SPAG16: variants seen among roughly 807,000 people sequenced by gnomAD.
SPAG16 encodes the protein sperm associated antigen 16.
Under a neutral mutation model 80.4 loss-of-function variants are expected in SPAG16, and 86 were observed. That is an observed-to-expected ratio of 1.07 (90% CI 0.90 to 1.28). The LOEUF is 1.28. Ranked by LOEUF, SPAG16 falls within the 50% of genes most tolerant of loss-of-function variation. The probability of loss-of-function intolerance (pLI) is 0.00; values close to 1 mark genes in which losing one functional copy is unlikely to be tolerated. For missense variants in SPAG16, 870 were observed against 765.3 expected (o/e 1.14, Z -1.61); for synonymous variants, 294 against 265.9 (o/e 1.11, Z -1.03).
At chr2:213,377,216 C>T (rs1457564712) in intron 9 of SPAG16, among the ~76,000 whole-genome samples, 1 of 152,144 alleles carries the variant, frequency 6.6e-6, no homozygotes, top group Non-Finnish European at 1.5e-5. Context: ...GCAATAATTG[C>T]TGTTGGTCTG....
chr2:213,917,200 C>T (rs1024440124), intron 11 of SPAG16, among the ~76,000 whole-genome samples: 1 of 152,102 alleles, frequency 6.6e-6, no homozygotes, highest in African/African-American at 2.4e-5. Context: ...ACAGTTTAGT[C>T]AAGTAATGTG....
intron 10 of SPAG16, among the ~76,000 whole-genome samples, chr2:213,631,087 C>G (rs2062134635): frequency 6.6e-6 from 1 of 152,048 alleles, no homozygotes. Context: ...AAAACTACAG[C>G]AAATGACAAG....
rs188892676 is a variant in SPAG16 at position 214,048,267 on chromosome 2, G to T, written c.1527+34190G>T. Among the ~76,000 whole-genome samples the T allele has an allele frequency of 6.0e-4, 92 of 152,232 alleles. 2 individuals carry two copies. Among genetic ancestry groups the T allele is most frequent in the African/African-American group, 2.2e-3 (91 of 41,540 alleles). On this transcript the variant is annotated intron_variant, in intron 13 of 15. Transcript: ENST00000331683. ...CCATGTTTATTGCAGCACTATTCAT[G>T]ATAGCCAAGATTTGGAAGCAACCTA...
chr2:213,777,962 A>T (rs1452705870), intron 10 of SPAG16, among the ~76,000 whole-genome samples: 2 of 152,172 alleles, frequency 1.3e-5, no homozygotes, highest in Non-Finnish European at 2.9e-5. Flanking sequence ...AGGATCCTTG[A>T]AAAACTTGCT....
chr2:214,009,814 G>A (rs991067344), intron 12 of SPAG16, among the ~76,000 whole-genome samples: 3 of 152,118 alleles, frequency 2.0e-5, no homozygotes, highest in African/African-American at 7.2e-5. Flanking sequence ...CTCTCCTTCT[G>A]CCAATTAATT....
At chr2:214,045,786 C>T (rs1013292508) in intron 13 of SPAG16, among the ~76,000 whole-genome samples, 2 of 151,962 alleles carry the variant, frequency 1.3e-5, no homozygotes. Flanking sequence ...ATAACCTAAC[C>T]TAGTTCTTAA....
intron 10 of SPAG16, among the ~76,000 whole-genome samples, chr2:213,700,593 C>T (rs1246588372): frequency 6.6e-6 from 1 of 152,072 alleles, no homozygotes; most frequent in East Asian, 1.9e-4. Flanking sequence ...TTTATATTTT[C>T]AACATTACAT....
intron 12 of SPAG16, among the ~76,000 whole-genome samples, chr2:213,981,975 T>G (rs150780893): frequency 6.6e-6 from 1 of 151,874 alleles, no homozygotes; most frequent in Non-Finnish European, 1.5e-5. Flanking sequence ...ATTTTTCTGT[T>G]TGTAAGGAAA....
intron 10 of SPAG16, among the ~76,000 whole-genome samples, chr2:213,682,727 A>G (rs138946038): frequency 4.6e-5 from 7 of 152,166 alleles, no homozygotes; most frequent in African/African-American, 7.2e-5. Context: ...TTCTGGTTGG[A>G]TGGAGATTTA....
At chr2:214,174,574 G>A (rs1250374015) in intron 15 of SPAG16, among the ~76,000 whole-genome samples, 4 of 151,822 alleles carry the variant, frequency 2.6e-5, no homozygotes, top group Non-Finnish European at 5.9e-5. Context: ...AATGTTGCCT[G>A]CAGGTATTAG....
chr2:214,237,586 A>G (rs1420825950), intron 15 of SPAG16, among the ~76,000 whole-genome samples: 1 of 152,134 alleles, frequency 6.6e-6, no homozygotes, highest in Non-Finnish European at 1.5e-5. Flanking sequence ...CATCTCTTTC[A>G]TTACTGTAAA....
Position 213,284,482 on chromosome 2 carries a change from A to G in SPAG16, c.-2A>G. ...TGGGGGTGGGGGCCCGAAGCGCCAGAGATGGCTGCTCAGCGAGGGATGCCC... is the reference window on the plus strand; with the variant it reads ...TGGGGGTGGGGGCCCGAAGCGCCAGGGATGGCTGCTCAGCGAGGGATGCCC... On this transcript the variant is annotated 5_prime_UTR_variant, in exon 1 of 16. Coordinates refer to ENST00000331683, the MANE Select transcript of SPAG16 (RefSeq NM_024532.5). 6.4e-7 allele frequency: 1 copy of G among 1,565,004 alleles called. No individual in the cohort carries two copies. The highest frequency in any genetic ancestry group is 8.7e-7 in the Non-Finnish European group (1 of 1,155,258).
chr2:213,487,747 G>A (rs539750955), intron 9 of SPAG16, among the ~76,000 whole-genome samples: 1 of 152,164 alleles, frequency 6.6e-6, no homozygotes, highest in Admixed American at 6.5e-5. Context: ...AAAAATTGCT[G>A]TGTTTATGGT....
chr2:213,849,551 A>G (rs1360966839), intron 10 of SPAG16, among the ~76,000 whole-genome samples: 2 of 152,228 alleles, frequency 1.3e-5, no homozygotes, highest in African/African-American at 4.8e-5. Flanking sequence ...CATTACAATA[A>G]TCACATTGGC....
chr2:213,744,931 CT>C, intron 10 of SPAG16, among the ~76,000 whole-genome samples: 1 of 152,114 alleles, frequency 6.6e-6, no homozygotes, highest in Non-Finnish European at 1.5e-5. Context: ...TACATGTTTA[CT>C]TTTAATTCCA....
chr2:213,865,548 T>C (rs1001657474), intron 11 of SPAG16, among the ~76,000 whole-genome samples: 93 of 151,026 alleles, frequency 6.2e-4, no homozygotes, highest in African/African-American at 2.2e-3. Flanking sequence ...TGAATTCAAA[T>C]TGAAAAAACA....
intron 10 of SPAG16, among the ~76,000 whole-genome samples, chr2:213,554,813 G>GA (rs1283921163): frequency 2.0e-5 from 3 of 151,436 alleles, no homozygotes; most frequent in Admixed American, 6.6e-5. Context: ...AAGAAAAAAA[G>GA]AAAAAAAATT....
At chr2:213,869,058 C>A (rs923859342) in intron 11 of SPAG16, among the ~76,000 whole-genome samples, 3 of 151,282 alleles carry the variant, frequency 2.0e-5, no homozygotes, top group African/African-American at 7.3e-5. Context: ...TCGAGACCAG[C>A]CTGACCAACA....
intron 9 of SPAG16, among the ~76,000 whole-genome samples, chr2:213,398,775 T>C (rs184982828): frequency 6.6e-6 from 1 of 152,314 alleles, no homozygotes; most frequent in East Asian, 1.9e-4. Flanking sequence ...ATTAACTCAT[T>C]GTATCACTTC....
Sources: gnomAD v4.1 joint callset for allele counts (sites outside exome capture counted in the v4.1 genomes callset) on GRCh38, gnomAD v4.1.1 for gene constraint, MANE v1.5 for transcripts, NCBI Gene and HGNC (gene_info 2026-07-23, HGNC 2026-07-21) for gene names.